The following DNAAF11 variants were observed in gnomAD, a reference collection of about 807,000 sequenced individuals.
DNAAF11 encodes leucine rich repeat containing 6.
In DNAAF11, 45 loss-of-function variants were observed where a neutral mutation model predicts 60.8. That is an observed-to-expected ratio of 0.74 (90% CI 0.58 to 0.95). The LOEUF (loss-of-function observed/expected upper bound fraction) is 0.95, where lower values mean the gene tolerates loss of function less well. Ranked by LOEUF, DNAAF11 falls within the 40% of genes least tolerant of loss-of-function variation. DNAAF11 has a pLI of 0.00. For synonymous variants in DNAAF11, 191 were observed against 183.5 expected (o/e 1.04, Z -0.33); for missense variants, 546 against 546.2 (o/e 1.00, Z 0.00).
At chr8:132,597,949 G>C (rs1218285830) in intron 10 of DNAAF11, among the ~76,000 whole-genome samples, 1 of 152,112 alleles carries the variant, frequency 6.6e-6, no homozygotes, top group African/African-American at 2.4e-5. Flanking sequence ...GAAATATTGG[G>C]AACAAAATTT....
intron 1 of DNAAF11, among the ~76,000 whole-genome samples, chr8:132,669,578 A>C (rs1379044673): frequency 6.6e-6 from 1 of 152,228 alleles, no homozygotes; most frequent in Non-Finnish European, 1.5e-5. Flanking sequence ...GTGAAACCAG[A>C]GGACTGGACT....
intron 7 of DNAAF11, among the ~76,000 whole-genome samples, chr8:132,619,145 G>C (rs979834582): frequency 2.6e-5 from 4 of 152,186 alleles, no homozygotes; most frequent in Admixed American, 6.5e-5. Context: ...CATGTCCTTT[G>C]TAGGGACACG....
upstream of DNAAF11, among the ~76,000 whole-genome samples, chr8:132,680,066 T>G (rs1285299536): frequency 6.6e-6 from 1 of 152,226 alleles, no homozygotes. Flanking sequence ...GTCACTGTGT[T>G]TCTTAGAAAC....
chr8:132,680,542 C>A (rs1273007779), upstream of DNAAF11, among the ~76,000 whole-genome samples: 1 of 152,042 alleles, frequency 6.6e-6, no homozygotes, highest in African/African-American at 2.4e-5. Flanking sequence ...AATATTGTGA[C>A]TAGAATTCCA....
chr8:132,609,556 T>C (rs901057818), intron 10 of DNAAF11, among the ~76,000 whole-genome samples: 1 of 152,104 alleles, frequency 6.6e-6, no homozygotes, highest in African/African-American at 2.4e-5. Flanking sequence ...ACCTAAGAAG[T>C]TCCAGAGGAA....
At chr8:132,693,110 G>C in the DNAAF11 span, among the ~76,000 whole-genome samples, 1 of 152,172 alleles carries the variant, frequency 6.6e-6, no homozygotes, top group African/African-American at 2.4e-5. Context: ...GCAGCAGCAG[G>C]CTGGAAGTGC....
In DNAAF11 at chr8:132,661,611, A is replaced by C. The variant is rs200906172; in HGVS notation, c.27T>G (p.Ile9Met). 1.3e-4 allele frequency: 216 copies of C among 1,613,962 alleles called. No homozygotes were observed. Among genetic ancestry groups the C allele is most frequent in the Non-Finnish European group, 1.7e-4 (202 of 1,179,946 alleles). The change falls in exon 2 of 12, where the codon ATT becomes ATG. Residue 9 changes from isoleucine to methionine, a missense_variant. Coordinates refer to ENST00000620350, the MANE Select transcript of DNAAF11 (RefSeq NM_012472.6). Reference protein sequence around the residue: MGWITEDLIRRNAEHNDCV... With the variant: MGWITEDLMRRNAEHNDCV... ...AGTCGTTGTGTTCAGCATTCCGTCTAATAAGATCTTCTGTGACTGGAAGAA... is the reference window on the plus strand; with the variant it reads ...AGTCGTTGTGTTCAGCATTCCGTCTCATAAGATCTTCTGTGACTGGAAGAA...
At chr8:132,702,081 A>G in the DNAAF11 span, 1 of 152,246 alleles carries the variant, frequency 6.6e-6, no homozygotes, top group Non-Finnish European at 1.5e-5. Context: ...TTCAAAATAA[A>G]GAAAATTGAA....
chr8:132,603,777 C>A (rs1817872347), intron 10 of DNAAF11, among the ~76,000 whole-genome samples: 1 of 151,804 alleles, frequency 6.6e-6, no homozygotes, highest in African/African-American at 2.4e-5. Flanking sequence ...AGAGGGGAGA[C>A]CTTTCAGAAT....
At chr8:132,687,823 A>G in the DNAAF11 span, among the ~76,000 whole-genome samples, 1 of 152,154 alleles carries the variant, frequency 6.6e-6, no homozygotes, top group Non-Finnish European at 1.5e-5. Context: ...ATGGTAATTT[A>G]CCACAGAGCC....
chr8:132,650,972 A>T (rs1475713326), intron 3 of DNAAF11, among the ~76,000 whole-genome samples: 1 of 152,252 alleles, frequency 6.6e-6, no homozygotes, highest in South Asian at 2.1e-4. Flanking sequence ...AAGAAATTAA[A>T]CTACATTTGT....
At chr8:132,677,588 T>C (rs1825808003), upstream of DNAAF11, among the ~76,000 whole-genome samples, 1 of 152,036 alleles carries the variant, frequency 6.6e-6, no homozygotes, top group Admixed American at 6.6e-5. Flanking sequence ...CACTGTTGAC[T>C]TAAAAAAAGA....
chr8:132,616,676 G>C (rs1291182855), intron 7 of DNAAF11, among the ~76,000 whole-genome samples: 1 of 152,096 alleles, frequency 6.6e-6, no homozygotes, highest in Non-Finnish European at 1.5e-5. Flanking sequence ...AGTGTGCAAT[G>C]ACTCTCTTAT....
In DNAAF11 at chr8:132,622,639, C is replaced by T; in HGVS notation, c.886G>A (p.Gly296Arg). 2 of 1,613,752 alleles carry T rather than the reference C, an allele frequency of 1.2e-6. No homozygotes were observed. Among genetic ancestry groups the T allele is most frequent in the South Asian group, 1.1e-5 (1 of 91,010 alleles). ...KPPRTLITED[G>R]KALNVNEPKI... is the part of the protein sequence containing the mutation. The stretch of plus-strand genomic sequence containing the variant: ...GGCTCATTCACATTTAGGGCTTTCC[C>T]ATCTTCAGTGATCAAAGTCCTGGGT... Residue 296 changes from glycine to arginine, a missense_variant, in exon 7 of 12, where the codon GGG becomes AGG. Transcript: ENST00000620350.
intron 10 of DNAAF11, among the ~76,000 whole-genome samples, chr8:132,588,577 T>C (rs921843421): frequency 6.6e-6 from 1 of 151,872 alleles, no homozygotes; most frequent in Admixed American, 6.6e-5. Context: ...TTAAAATACA[T>C]TGAAAAAAAG....
At chr8:132,686,155 C>T in the DNAAF11 span, among the ~76,000 whole-genome samples, 5 of 152,138 alleles carry the variant, frequency 3.3e-5, no homozygotes, top group Admixed American at 2.0e-4. Flanking sequence ...CATCAAATGT[C>T]ATCTCTGAAC....
intron 11 of DNAAF11, among the ~76,000 whole-genome samples, chr8:132,574,493 T>A (rs1050767988): frequency 4.6e-5 from 7 of 152,128 alleles, no homozygotes; most frequent in Non-Finnish European, 8.8e-5. Context: ...GCTTCCCTGA[T>A]GGACATTTCA....
At chr8:132,666,277 TAGA>T (rs1424909975) in intron 1 of DNAAF11, among the ~76,000 whole-genome samples, 3 of 152,148 alleles carry the variant, frequency 2.0e-5, no homozygotes, top group Non-Finnish European at 4.4e-5. Context: ...TTGAAATAGC[TAGA>T]AGGACGATAT....
At chr8:132,644,954 C>A (rs1190658585) in intron 3 of DNAAF11, among the ~76,000 whole-genome samples, 1 of 152,198 alleles carries the variant, frequency 6.6e-6, no homozygotes, top group Non-Finnish European at 1.5e-5. Context: ...CGGACTTAAA[C>A]GTCCCTGTCT....
Sources: allele counts gnomAD v4.1 joint callset (sites outside exome capture counted in the v4.1 genomes callset), GRCh38; gene constraint gnomAD v4.1.1; transcripts MANE v1.5; gene names NCBI Gene and HGNC (gene_info 2026-07-23, HGNC 2026-07-21).